PCDH9: variants seen among roughly 807,000 people sequenced by gnomAD.
PCDH9 encodes the protein protocadherin 9, also known as protocadherin-9.
In PCDH9, 24 loss-of-function variants were observed where a neutral mutation model predicts 70.6. The observed-to-expected ratio is 0.34, with a 90% CI of 0.25 to 0.48. PCDH9 has a LOEUF of 0.48. Among genes scored for constraint, PCDH9 ranks in the 20% least tolerant of loss-of-function variants. The pLI, the probability that PCDH9 is intolerant of heterozygous loss-of-function variation, is 0.99. For synonymous variants in PCDH9, 562 were observed against 558.5 expected (o/e 1.01, Z -0.09); for missense variants, 1,281 against 1,503.6 (o/e 0.85, Z 2.45).
intron 2 of PCDH9, among the ~76,000 whole-genome samples, chr13:67,087,928 A>G (rs2086141311): frequency 6.6e-6 from 1 of 152,016 alleles, no homozygotes; most frequent in Non-Finnish European, 1.5e-5. Context: ...ATACTCCCGC[A>G]CCAAATTGTA....
At chr13:66,713,678 C>G (rs2078830146) in intron 3 of PCDH9, among the ~76,000 whole-genome samples, 2 of 130,504 alleles carry the variant, frequency 1.5e-5, no homozygotes, top group Non-Finnish European at 3.2e-5. Context: ...CCAGTTGACT[C>G]TTGAACAACA....
chr13:66,488,653 G>T (rs7992316), intron 4 of PCDH9, among the ~76,000 whole-genome samples: 4,666 of 152,054 alleles, frequency 0.031, 220 homozygotes, highest in African/African-American at 0.11. Flanking sequence ...ATTAGTAGAA[G>T]AATAATTTAC....
chr13:66,386,867 G>A (rs1357166723), intron 4 of PCDH9, among the ~76,000 whole-genome samples: 3 of 152,244 alleles, frequency 2.0e-5, no homozygotes, highest in Admixed American at 1.3e-4. Flanking sequence ...GCTATATGAT[G>A]TCATAGTTTC....
intron 3 of PCDH9, among the ~76,000 whole-genome samples, chr13:66,766,253 T>C (rs542543813): frequency 6.6e-6 from 1 of 152,042 alleles, no homozygotes; most frequent in African/African-American, 2.4e-5. Context: ...GTAGTCAGTC[T>C]ACCAGCTCTA....
rs370486551 is a variant in PCDH9 at position 66,891,383 on chromosome 13, G to A, written c.3138+12121C>T. 7.7e-4 allele frequency among the ~76,000 whole-genome samples: 117 copies of A among 151,980 alleles called. 3 individuals are homozygous for A. The South Asian group carries it at 0.018, about 24-fold the overall frequency. On this transcript the variant is annotated intron_variant, in intron 3 of 4. Transcript: ENST00000377865. ...GGAAATGCTTCCTATATAACTAGGC[G>A]GATAAATGAATGAACAAACCAACCA...
intron 2 of PCDH9, among the ~76,000 whole-genome samples, chr13:66,988,019 C>T (rs1388245928): frequency 6.6e-6 from 1 of 151,890 alleles, no homozygotes; most frequent in Non-Finnish European, 1.5e-5. Flanking sequence ...CCTGCCTCAG[C>T]TTCCCTGGTA....
intron 4 of PCDH9, among the ~76,000 whole-genome samples, chr13:66,533,487 G>C (rs1484433351): frequency 6.6e-6 from 1 of 151,960 alleles, no homozygotes; most frequent in Admixed American, 6.6e-5. Flanking sequence ...TTAACTATTA[G>C]TTATTTTTAG....
chr13:66,634,291 C>G (rs79642847), intron 3 of PCDH9, among the ~76,000 whole-genome samples: 47 of 152,194 alleles, frequency 3.1e-4, no homozygotes, highest in African/African-American at 1.1e-3. Context: ...ATGGATATTA[C>G]GGTATGAAGC....
At position 67,229,944 on chromosome 13, in the gene PCDH9, C is replaced by G. The variant is rs1593663593; in HGVS notation, c.-300G>C. On this transcript the variant is annotated 5_prime_UTR_variant, in exon 1 of 5. Transcript: ENST00000377865. ...GTGTTGCTTCGGGCTGGCAAATTAG[C>G]AACTCCAGAGAACAAATTCACGGAT... The G allele has an allele frequency of 6.6e-6, 1 of 152,180 alleles. No homozygotes were observed. Among genetic ancestry groups the G allele is most frequent in the African/African-American group, 2.4e-5 (1 of 41,426 alleles). The allele number at this position is 152,180 out of a possible 1,614,324, so 9.4% of individuals were successfully genotyped here. A position where few individuals can be genotyped will look rare whatever the true frequency, so the allele number is the denominator to read the frequency against.
chr13:66,592,163 A>G (rs1480164652), intron 4 of PCDH9, among the ~76,000 whole-genome samples: 2 of 151,742 alleles, frequency 1.3e-5, no homozygotes, highest in Admixed American at 1.3e-4. Flanking sequence ...GACTAAATTC[A>G]TCATTAAGAA....
chr13:66,449,702 A>C (rs1958167325), intron 4 of PCDH9, among the ~76,000 whole-genome samples: 1 of 152,212 alleles, frequency 6.6e-6, no homozygotes, highest in African/African-American at 2.4e-5. Context: ...GAAATAGTCA[A>C]ATCATGCATT....
intron 3 of PCDH9, among the ~76,000 whole-genome samples, chr13:66,770,836 G>T (rs769508990): frequency 1.1e-4 from 17 of 152,108 alleles, no homozygotes; most frequent in Non-Finnish European, 2.5e-4. Flanking sequence ...GAACACTGAA[G>T]CGAGAGAAGC....
rs569770930 is a variant in PCDH9, at chr13:66,977,899, G to A, written c.3037-74294C>T. ...GCTACAAGGCAATTAAAGGAATGCC[G>A]ATTTTAAAGGCAAAAATATAATGTT... On this transcript the variant is annotated intron_variant, in intron 2 of 4. Coordinates refer to ENST00000377865, the MANE Select transcript of PCDH9 (RefSeq NM_203487.3). 2.3e-4 allele frequency among the ~76,000 whole-genome samples: 35 copies of A among 152,216 alleles called. 1 individual carries two copies. The highest frequency in any genetic ancestry group is 2.9e-5 in the Non-Finnish European group (2 of 68,004).
intron 2 of PCDH9, among the ~76,000 whole-genome samples, chr13:67,177,478 T>C (rs908217888): frequency 6.6e-6 from 1 of 152,102 alleles, no homozygotes; most frequent in Non-Finnish European, 1.5e-5. Flanking sequence ...TTACTTTACT[T>C]TTATCTTGAC....
intron 4 of PCDH9, among the ~76,000 whole-genome samples, chr13:66,515,173 C>T (rs1959673280): frequency 6.6e-6 from 1 of 151,974 alleles, no homozygotes; most frequent in Admixed American, 6.6e-5. Context: ...GTATCATGTC[C>T]AGTTTTGCAT....
chr13:67,227,293 A>G lies in PCDH9; in HGVS notation c.1148T>C (p.Ile383Thr). Residue 383 changes from isoleucine (I) to threonine (T), a missense_variant, in exon 2 of 5, where the codon ATT becomes ACT. Coordinates refer to ENST00000377865, the MANE Select transcript of PCDH9 (RefSeq NM_203487.3). This position sits in a 1 kb window ranked among gnomAD's most constrained non-coding sequence, Gnocchi z 4.6. ...LSEKDPVNTKIALITVSDKDT... is the reference protein window; with the variant it reads ...LSEKDPVNTKTALITVSDKDT... ...CTTATCTGAAACTGTAATTAGGGCA[A>G]TCTTTGTATTGACAGGATCTTTCTC... 2 of 1,613,492 alleles carry G rather than the reference A, an allele frequency of 1.2e-6. No individual in the cohort carries two copies. Among genetic ancestry groups the G allele is most frequent in the Non-Finnish European group, 1.7e-6 (2 of 1,179,440 alleles).
At chr13:66,866,194 C>T (rs973803695) in intron 3 of PCDH9, among the ~76,000 whole-genome samples, 2 of 152,146 alleles carry the variant, frequency 1.3e-5, no homozygotes, top group African/African-American at 4.8e-5. Flanking sequence ...AAATGTAAAA[C>T]TTGCTCGGCC....
At chr13:66,457,784 T>C (rs1316143138) in intron 4 of PCDH9, among the ~76,000 whole-genome samples, 1 of 152,072 alleles carries the variant, frequency 6.6e-6, no homozygotes, top group Non-Finnish European at 1.5e-5. Context: ...GCAAGCACAC[T>C]AACTTAACTC....
At chr13:67,139,223 C>A (rs531825834) in intron 2 of PCDH9, among the ~76,000 whole-genome samples, 8 of 152,336 alleles carry the variant, frequency 5.3e-5, no homozygotes, top group African/African-American at 9.6e-5. Flanking sequence ...CATCGGCTGT[C>A]ACACTATGTG....
Sources: allele counts gnomAD v4.1 joint callset (sites outside exome capture counted in the v4.1 genomes callset), GRCh38; gene constraint gnomAD v4.1.1; non-coding constraint Gnocchi (gnomAD v3.1); transcripts MANE v1.5; gene names NCBI Gene and HGNC (gene_info 2026-07-23, HGNC 2026-07-21).